Variants in NXPH1 observed in about 807,000 individuals in gnomAD.
NXPH1 encodes the protein neurexophilin 1.
NXPH1 carries 5 observed loss-of-function variants against 23.7 expected under a neutral mutation model. The ratio of observed to expected loss-of-function variants is 0.21; its 90% CI spans 0.11 to 0.44. The LOEUF (loss-of-function observed/expected upper bound fraction) is 0.44. Ranked by LOEUF, NXPH1 falls within the 20% of genes least tolerant of loss-of-function variation. The pLI, the probability that NXPH1 is intolerant of heterozygous loss-of-function variation, is 0.99. For missense variants in NXPH1, 324 were observed against 321.6 expected (o/e 1.01, Z -0.06); for synonymous variants, 144 against 122.2 (o/e 1.18, Z -1.18).
rs147034113 is a variant in NXPH1 at position 8,716,367 on chromosome 7, C to G, written c.55-34641C>G. Among the ~76,000 whole-genome samples the G allele has an allele frequency of 7.9e-4, 121 of 152,210 alleles. 1 individual carries two copies. Among genetic ancestry groups the G allele is most frequent in the African/African-American group, 2.8e-3 (117 of 41,534 alleles). On this transcript the variant is annotated intron_variant, in intron 2 of 2. Transcript: ENST00000405863. Reference sequence around the variant, plus strand: ...GTTTAGCCAATATAATTTTCCCAAACCTTGGACCATGGGATTAGGATTAAT... The same window carrying G: ...GTTTAGCCAATATAATTTTCCCAAAGCTTGGACCATGGGATTAGGATTAAT...
intron 2 of NXPH1, among the ~76,000 whole-genome samples, chr7:8,599,004 A>G (rs1457434392): frequency 6.6e-6 from 1 of 152,256 alleles, no homozygotes; most frequent in East Asian, 1.9e-4. Context: ...TGCTAAATTT[A>G]TTGGGAGAAG....
chr7:8,586,585 A>G (rs1818985842), intron 2 of NXPH1, among the ~76,000 whole-genome samples: 1 of 151,878 alleles, frequency 6.6e-6, no homozygotes, highest in South Asian at 2.1e-4. Flanking sequence ...CAGCATGACC[A>G]AAAATTCTGG....
At chr7:8,537,070 C>T (rs1329323397) in intron 2 of NXPH1, among the ~76,000 whole-genome samples, 1 of 151,958 alleles carries the variant, frequency 6.6e-6, no homozygotes, top group Non-Finnish European at 1.5e-5. Flanking sequence ...AATTTTTAAA[C>T]CTTTTCTCTC....
intron 2 of NXPH1, among the ~76,000 whole-genome samples, chr7:8,578,775 AG>A (rs944513498): frequency 2.6e-5 from 4 of 152,206 alleles, no homozygotes; most frequent in African/African-American, 4.8e-5. Context: ...AACATAAAAC[AG>A]GGGGAAGCCA....
chr7:8,616,438 G>C (rs760475426), intron 2 of NXPH1, among the ~76,000 whole-genome samples: 29 of 151,994 alleles, frequency 1.9e-4, no homozygotes, highest in East Asian at 3.9e-4. Context: ...TTTATTTTTT[G>C]TTCTCCCTCG....
chr7:8,731,134 G>A (rs574059166), intron 2 of NXPH1, among the ~76,000 whole-genome samples: 111 of 150,902 alleles, frequency 7.4e-4, no homozygotes, highest in African/African-American at 2.5e-3. Context: ...TGATCGCATC[G>A]GCTCCTGAGG....
At chr7:8,527,506 C>T (rs1358427804) in intron 2 of NXPH1, among the ~76,000 whole-genome samples, 1 of 151,874 alleles carries the variant, frequency 6.6e-6, no homozygotes, top group Non-Finnish European at 1.5e-5. Flanking sequence ...TTGGCAAACC[C>T]ATAGAGGGGT....
chr7:8,702,720 G>A (rs1170339577), intron 2 of NXPH1, among the ~76,000 whole-genome samples: 1 of 151,836 alleles, frequency 6.6e-6, no homozygotes, highest in East Asian at 1.9e-4. Context: ...CCTCCTGCTA[G>A]GAAGGCATAG....
chr7:8,687,105 C>A (rs983767253), intron 2 of NXPH1, among the ~76,000 whole-genome samples: 10 of 152,202 alleles, frequency 6.6e-5, no homozygotes, highest in Admixed American at 4.6e-4. Context: ...TATGTAAAGG[C>A]TGTTCATTAC....
intron 2 of NXPH1, among the ~76,000 whole-genome samples, chr7:8,534,533 G>A (rs1817998138): frequency 6.6e-6 from 1 of 152,064 alleles, no homozygotes; most frequent in South Asian, 2.1e-4. Flanking sequence ...TGGAATGAAG[G>A]TATTTCATAT....
At chr7:8,575,563 C>T (rs1818737631) in intron 2 of NXPH1, among the ~76,000 whole-genome samples, 1 of 152,172 alleles carries the variant, frequency 6.6e-6, no homozygotes, top group Non-Finnish European at 1.5e-5. Context: ...TAAAAGTCTG[C>T]TGCTAACTTT....
intron 2 of NXPH1, among the ~76,000 whole-genome samples, chr7:8,500,364 G>T (rs1817411827): frequency 6.6e-6 from 1 of 152,060 alleles, no homozygotes; most frequent in South Asian, 2.1e-4. Context: ...GAAAAGGCAG[G>T]ATATCAGGAT....
rs1816324558 is a variant in NXPH1 at position 8,442,771 on chromosome 7, C to T, written c.54+7004C>T. ...CGATCTCGACAGGTTTATGGAAACA[C>T]AGATGCAGCCCTCTCGCGTCCGGAG... On this transcript the variant is annotated intron_variant, in intron 2 of 2. Coordinates refer to ENST00000405863, the MANE Select transcript of NXPH1 (RefSeq NM_152745.3). The surrounding 1 kb of genome is among the most constrained non-coding windows in gnomAD (Gnocchi z 4.6). 6.6e-6 allele frequency among the ~76,000 whole-genome samples: 1 copy of T among 152,232 alleles called. No homozygotes were observed. The highest frequency in any genetic ancestry group is 1.5e-5 in the Non-Finnish European group (1 of 68,044).
At chr7:8,568,536 G>C (rs1247683183) in intron 2 of NXPH1, among the ~76,000 whole-genome samples, 2 of 150,910 alleles carry the variant, frequency 1.3e-5, no homozygotes, top group East Asian at 3.9e-4. Flanking sequence ...CCTCCTAACT[G>C]TGGTTCTGTT....
intron 2 of NXPH1, among the ~76,000 whole-genome samples, chr7:8,744,015 T>G (rs1780425692): frequency 6.6e-6 from 1 of 152,184 alleles, no homozygotes; most frequent in Non-Finnish European, 1.5e-5. Context: ...TGCTCACACT[T>G]CCACCATCCA....
At chr7:8,688,405 G>T (rs1218197609) in intron 2 of NXPH1, among the ~76,000 whole-genome samples, 1 of 152,104 alleles carries the variant, frequency 6.6e-6, no homozygotes, top group South Asian at 2.1e-4. Flanking sequence ...CTGGGTAAAT[G>T]TGGTTCTTAT....
chr7:8,637,852 G>T (rs1460981505), intron 2 of NXPH1, among the ~76,000 whole-genome samples: 1 of 152,118 alleles, frequency 6.6e-6, no homozygotes. Context: ...TAATAAGAAG[G>T]ACTTTGGTGA....
chr7:8,663,873 G>A (rs772114638), intron 2 of NXPH1, among the ~76,000 whole-genome samples: 3 of 151,960 alleles, frequency 2.0e-5, no homozygotes, highest in African/African-American at 4.8e-5. Flanking sequence ...CCCTCTAATC[G>A]TAATCCTTAT....
intron 2 of NXPH1, among the ~76,000 whole-genome samples, chr7:8,600,203 A>G (rs1183168207): frequency 1.4e-5 from 2 of 141,572 alleles, no homozygotes; most frequent in East Asian, 4.1e-4. Context: ...AAAGTAGGCA[A>G]AGGCCTACTT....
Sources: allele counts gnomAD v4.1 joint callset (sites outside exome capture counted in the v4.1 genomes callset), GRCh38; gene constraint gnomAD v4.1.1; non-coding constraint Gnocchi (gnomAD v3.1); transcripts MANE v1.5; gene names NCBI Gene and HGNC (gene_info 2026-07-23, HGNC 2026-07-21).